The following SEMA5A variants were observed in gnomAD, a reference collection of about 807,000 sequenced individuals.
SEMA5A encodes the protein semaphorin 5A.
In SEMA5A, 55 loss-of-function variants were observed where a neutral mutation model predicts 135.5. The ratio of observed to expected loss-of-function variants is 0.41; its 90% CI spans 0.33 to 0.51. The LOEUF (loss-of-function observed/expected upper bound fraction) is 0.51, where lower values mean the gene tolerates loss of function less well. Ranked by LOEUF, SEMA5A falls within the 20% of genes least tolerant of loss-of-function variation. The pLI is 0.37. For synonymous variants in SEMA5A, 580 were observed against 546.5 expected (o/e 1.06, Z -0.85); for missense variants, 1,290 against 1,419.9 (o/e 0.91, Z 1.47).
intron 5 of SEMA5A, among the ~76,000 whole-genome samples, chr5:9,300,151 C>T (rs997274393): frequency 1.3e-5 from 2 of 152,072 alleles, no homozygotes; most frequent in Non-Finnish European, 2.9e-5. Flanking sequence ...CCTTGGCCTC[C>T]CATGTAGCTG....
At chr5:9,045,229 A>G (rs925927603) in intron 21 of SEMA5A, among the ~76,000 whole-genome samples, 1 of 152,194 alleles carries the variant, frequency 6.6e-6, no homozygotes, top group African/African-American at 2.4e-5. Flanking sequence ...AGCCTAATCC[A>G]TGGTGTACAG....
At chr5:9,246,796 T>C (rs1748504609) in intron 5 of SEMA5A, among the ~76,000 whole-genome samples, 1 of 152,236 alleles carries the variant, frequency 6.6e-6, no homozygotes, top group East Asian at 1.9e-4. Flanking sequence ...AAACACAACT[T>C]GATATAATGA....
intron 3 of SEMA5A, among the ~76,000 whole-genome samples, chr5:9,366,533 T>C (rs1054098877): frequency 2.6e-5 from 4 of 152,088 alleles, no homozygotes; most frequent in Non-Finnish European, 5.9e-5. Flanking sequence ...GGACTACAGG[T>C]GCCCACCACC....
At chr5:9,497,608 AG>A (rs1735367920) in intron 1 of SEMA5A, among the ~76,000 whole-genome samples, 1 of 152,232 alleles carries the variant, frequency 6.6e-6, no homozygotes, top group Admixed American at 6.5e-5. Flanking sequence ...CAGGCATCTA[AG>A]CACGTCCCAG....
intron 5 of SEMA5A, among the ~76,000 whole-genome samples, chr5:9,247,123 G>A (rs1266643479): frequency 6.6e-6 from 1 of 152,188 alleles, no homozygotes; most frequent in Non-Finnish European, 1.5e-5. Context: ...AAATGAAGGT[G>A]CAGAAACCAC....
chr5:9,538,166 A>G (rs1036762490), intron 1 of SEMA5A, among the ~76,000 whole-genome samples: 18 of 152,196 alleles, frequency 1.2e-4, no homozygotes, highest in Non-Finnish European at 2.2e-4. Context: ...ATTCGTATGT[A>G]TCTCTACCCA....
At chr5:9,285,593 C>G (rs1750758717) in intron 5 of SEMA5A, among the ~76,000 whole-genome samples, 1 of 152,214 alleles carries the variant, frequency 6.6e-6, no homozygotes, top group Non-Finnish European at 1.5e-5. Flanking sequence ...TTCTCCAAGC[C>G]AGACTTAAAC....
intron 11 of SEMA5A, among the ~76,000 whole-genome samples, chr5:9,178,920 C>T (rs1744353848): frequency 6.6e-6 from 1 of 152,206 alleles, no homozygotes; most frequent in South Asian, 2.1e-4. Flanking sequence ...CCTGTGTCTA[C>T]ATTATATACT....
At chr5:9,195,494 T>G (rs934363436) in intron 10 of SEMA5A, among the ~76,000 whole-genome samples, 1 of 152,204 alleles carries the variant, frequency 6.6e-6, no homozygotes, top group African/African-American at 2.4e-5. Context: ...ATTTATCAAA[T>G]ATTTTATACA....
At chr5:9,090,037 G>A (rs1232316646) in intron 16 of SEMA5A, among the ~76,000 whole-genome samples, 2 of 152,112 alleles carry the variant, frequency 1.3e-5, no homozygotes, top group African/African-American at 2.4e-5. Flanking sequence ...GTATACATGT[G>A]TAATTTATAT....
At chr5:9,392,427 T>C (rs576931187) in intron 2 of SEMA5A, among the ~76,000 whole-genome samples, 1 of 152,234 alleles carries the variant, frequency 6.6e-6, no homozygotes, top group South Asian at 2.1e-4. Flanking sequence ...TAAAAATATT[T>C]CATAAGATAC....
intron 2 of SEMA5A, among the ~76,000 whole-genome samples, chr5:9,418,621 A>C (rs1383824062): frequency 3.3e-5 from 5 of 152,148 alleles, no homozygotes; most frequent in Non-Finnish European, 5.9e-5. Context: ...ACATCTGACA[A>C]CTGCCCTCCA....
At chr5:9,087,240 A>G (rs1738749099) in intron 16 of SEMA5A, among the ~76,000 whole-genome samples, 2 of 152,252 alleles carry the variant, frequency 1.3e-5, no homozygotes, top group Admixed American at 1.3e-4. Context: ...ACTGAGCACT[A>G]CATTGCAATT....
chr5:9,230,142 C>A (rs1747541918), intron 6 of SEMA5A, among the ~76,000 whole-genome samples: 1 of 151,230 alleles, frequency 6.6e-6, no homozygotes. Flanking sequence ...ATGCCACCAC[C>A]CCTGGCTATT....
At chr5:9,211,889 A>C (rs3026333) in intron 8 of SEMA5A, among the ~76,000 whole-genome samples, 1,819 of 152,354 alleles carry the variant, frequency 0.012, 33 homozygotes, top group African/African-American at 0.039. Flanking sequence ...AGTTGAAAAG[A>C]CAATGCTTGT....
At chr5:9,331,104 G>A (rs1378240361) in intron 4 of SEMA5A, among the ~76,000 whole-genome samples, 1 of 152,134 alleles carries the variant, frequency 6.6e-6, no homozygotes, top group African/African-American at 2.4e-5. Context: ...TGGAAAAGAC[G>A]AATAAGTGTG....
chr5:9,508,018 G>GAA (rs1395226100), intron 1 of SEMA5A, among the ~76,000 whole-genome samples: 7 of 21,610 alleles, frequency 3.2e-4, no homozygotes, highest in African/African-American at 6.9e-4. Flanking sequence ...AAAAAAAAAA[G>GAA]AAAAGAAAAA....
At chr5:9,513,529 T>C (rs1427306857) in intron 1 of SEMA5A, among the ~76,000 whole-genome samples, 1 of 152,094 alleles carries the variant, frequency 6.6e-6, no homozygotes, top group Non-Finnish European at 1.5e-5. Context: ...AGAGGAAAGG[T>C]TGGGAAGAAA....
At chr5:9,135,654 G>C (rs767098679) in intron 13 of SEMA5A, among the ~76,000 whole-genome samples, 5 of 152,176 alleles carry the variant, frequency 3.3e-5, no homozygotes, top group African/African-American at 4.8e-5. Flanking sequence ...CCTCTGTCTT[G>C]CAGAGATACA....
Sources: allele counts gnomAD v4.1 joint callset (sites outside exome capture counted in the v4.1 genomes callset), GRCh38; gene constraint gnomAD v4.1.1; transcripts MANE v1.5; gene names NCBI Gene and HGNC (gene_info 2026-07-23, HGNC 2026-07-21).